Variants in GOLGA7B observed in about 807,000 individuals in gnomAD.
GOLGA7B encodes golgin A7 family member B, also known as golgin subfamily A member 7B.
GOLGA7B carries 17 observed loss-of-function variants against 21.5 expected under a neutral mutation model. That is an observed-to-expected ratio of 0.79 (90% confidence interval 0.54 to 1.19). The LOEUF (loss-of-function observed/expected upper bound fraction) is 1.19, where lower values mean the gene tolerates loss of function less well. Among genes scored for constraint, GOLGA7B ranks in the 50% most tolerant of loss-of-function variants. The pLI is 0.00. For missense variants in GOLGA7B, 169 were observed against 224.4 expected (o/e 0.75, Z 1.58); for synonymous variants, 87 against 84.0 (o/e 1.04, Z -0.19).
chr10:97,866,099 C>A lies in GOLGA7B; in HGVS notation c.*399C>A. 5.2e-6 allele frequency: 1 copy of A among 193,648 alleles called. No individual in the cohort carries two copies. The highest frequency in any genetic ancestry group is 1.1e-5 in the Non-Finnish European group (1 of 95,152). 12.0% of individuals were successfully genotyped at this position (193,648 alleles called of 1,614,324 possible). A position where few individuals can be genotyped will look rare whatever the true frequency, so the allele number is the denominator to read the frequency against. On this transcript the variant is annotated 3_prime_UTR_variant, in exon 5 of 5. Coordinates refer to ENST00000370602, the MANE Select transcript of GOLGA7B (RefSeq NM_001010917.3). ...CTCCCACACTGCATGACCCCTCATC[C>A]CAAACCCATATCCACCAGGACTCTT...
At chr10:97,865,297 TG>T in intron 4 of GOLGA7B, 1 of 410,982 alleles carries the variant, frequency 2.4e-6, no homozygotes, top group Non-Finnish European at 4.3e-6. Context: ...TCCTAAGATA[TG>T]GTCATTAGAC....
intron 4 of GOLGA7B, 138 bp downstream of exon 4, chr10:97,864,407 AG>A (rs1201649306): frequency 1.5e-6 from 1 of 652,462 alleles, no homozygotes; most frequent in East Asian, 2.7e-5. Context: ...AGTGGTCCTC[AG>A]CCCTCCTCCA....
chr10:97,857,446 A>C (rs954184303), intron 1 of GOLGA7B, among the ~76,000 whole-genome samples: 27 of 152,048 alleles, frequency 1.8e-4, no homozygotes, highest in Non-Finnish European at 3.5e-4. Context: ...GGAGAACTAC[A>C]AAACACTGAT....
intron 2 of GOLGA7B, among the ~76,000 whole-genome samples, chr10:97,859,854 G>C (rs921058351): frequency 1.3e-5 from 2 of 152,348 alleles, no homozygotes. Context: ...ATGATATAGA[G>C]AGCTTGTTAA....
rs368201620 is a variant in GOLGA7B, at chr10:97,859,600, C to G, written c.138+17C>G. ...GACAGCCGGGTAAGGATGCCTTTTT[C>G]TGCACTTGGAACCCAGGGCTGTGAT... On this transcript the variant is annotated intron_variant, in intron 2 of 4. Transcript: ENST00000370602. The G allele has an allele frequency of 7.4e-6, 12 of 1,612,972 alleles. No individual in the cohort carries two copies. The highest frequency in any genetic ancestry group is 1.0e-5 in the Non-Finnish European group (12 of 1,179,282).
chr10:97,850,158 C>A lies in GOLGA7B; in HGVS notation c.-146C>A, dbSNP rs888350177. 2.0e-3 allele frequency: 542 copies of A among 269,640 alleles called. No homozygotes were observed. The highest frequency in any genetic ancestry group is 2.7e-3 in the Admixed American group (49 of 18,168). The allele number at this position is 269,640 out of a possible 1,614,324, so 16.7% of individuals were successfully genotyped here. A position where few individuals can be genotyped will look rare whatever the true frequency, so the allele number is the denominator to read the frequency against. On this transcript the variant is annotated 5_prime_UTR_variant, in exon 1 of 5. Transcript: ENST00000370602. ...CGCCCGCCCCCGGCCCACCTGAGCC[C>A]GGGCCCGCGGCGCCCGCATCAGCAC...
In GOLGA7B at chr10:97,870,870, G is replaced by A. The variant is rs1244613972; in HGVS notation, c.*5170G>A. 3 of 152,208 alleles carry A rather than the reference G, an allele frequency of 2.0e-5. No homozygotes were observed. Among genetic ancestry groups the A allele is most frequent in the South Asian group, 2.1e-4 (1 of 4,820 alleles). The allele number at this position is 152,208 out of a possible 1,614,324, so 9.4% of individuals were successfully genotyped here. Reference sequence around the variant, plus strand: ...CACCAGGAGTTCTTAACCTCGACCCGACTGCATTCAGGTGCATATTATGTG... The same window carrying A: ...CACCAGGAGTTCTTAACCTCGACCCAACTGCATTCAGGTGCATATTATGTG... On this transcript the variant is annotated 3_prime_UTR_variant, in exon 5 of 5. Coordinates refer to ENST00000370602, the MANE Select transcript of GOLGA7B (RefSeq NM_001010917.3).
intron 2 of GOLGA7B, among the ~76,000 whole-genome samples, chr10:97,860,559 C>T (rs959340015): frequency 6.6e-6 from 1 of 152,098 alleles, no homozygotes; most frequent in African/African-American, 2.4e-5. Context: ...TGCCATGTTG[C>T]CCAGGCTGGT....
At chr10:97,852,707 G>C (rs966385652) in intron 1 of GOLGA7B, among the ~76,000 whole-genome samples, 1 of 151,912 alleles carries the variant, frequency 6.6e-6, no homozygotes, top group African/African-American at 2.4e-5. Context: ...GGAGAGGAAG[G>C]GGGTGGGGAG....
chr10:97,859,449 TCTCCTCAG>T lies in GOLGA7B; in HGVS notation c.13-8_13-1del. ...ACTCTCAGCACATGCCGCCCGCACGTCTCCTCAGGTCCACAATCTGCAGGAGCTCCGGC... is the reference window on the plus strand; with the variant it reads ...ACTCTCAGCACATGCCGCCCGCACGTGTCCACAATCTGCAGGAGCTCCGGC... On this transcript the variant is annotated splice_acceptor_variant and splice_polypyrimidine_tract_variant and intron_variant, in intron 1 of 4. Coordinates refer to ENST00000370602, the MANE Select transcript of GOLGA7B (RefSeq NM_001010917.3). LOFTEE classifies it high-confidence loss of function. The T allele has an allele frequency of 6.2e-7, 1 of 1,613,832 alleles. No homozygotes were observed. Among genetic ancestry groups the T allele is most frequent in the Non-Finnish European group, 8.5e-7 (1 of 1,179,860 alleles).
rs2050061080 is a variant in GOLGA7B, at chr10:97,869,055, A to T, written c.*3355A>T. 1 of 152,256 alleles carries T rather than the reference A, an allele frequency of 6.6e-6. No individual in the cohort carries two copies. The highest frequency in any genetic ancestry group is 6.5e-5 in the Admixed American group (1 of 15,286). The allele number at this position is 152,256 out of a possible 1,614,324, so 9.4% of individuals were successfully genotyped here. ...CAGATCTTGGCTTTGAATCTAGGCA[A>T]TCTGACTCCAAACTGCAAGGAAGAA... On this transcript the variant is annotated 3_prime_UTR_variant, in exon 5 of 5. Transcript: ENST00000370602.
chr10:97,865,882 C>T lies in GOLGA7B; in HGVS notation c.*182C>T. 2 of 1,020,446 alleles carry T rather than the reference C, an allele frequency of 2.0e-6. No homozygotes were observed. Among genetic ancestry groups the T allele is most frequent in the South Asian group, 1.8e-5 (1 of 54,804 alleles). 63.2% of individuals were successfully genotyped at this position (1,020,446 alleles called of 1,614,324 possible). ...GGGCCATCAACCTATGCCCCCTGTC[C>T]CTCACCCCCGTCTGGATCAGTCCAT... On this transcript the variant is annotated 3_prime_UTR_variant, in exon 5 of 5. Coordinates refer to ENST00000370602, the MANE Select transcript of GOLGA7B (RefSeq NM_001010917.3).
At position 97,870,356 on chromosome 10, in the gene GOLGA7B, A is replaced by G. The variant is rs1328712994; in HGVS notation, c.*4656A>G. 1.3e-5 allele frequency: 2 copies of G among 152,188 alleles called. No individual in the cohort carries two copies. Among genetic ancestry groups the G allele is most frequent in the East Asian group, 3.8e-4 (2 of 5,198 alleles). The allele number at this position is 152,188 out of a possible 1,614,324, so 9.4% of individuals were successfully genotyped here. A position where few individuals can be genotyped will look rare whatever the true frequency, so the allele number is the denominator to read the frequency against. On this transcript the variant is annotated 3_prime_UTR_variant, in exon 5 of 5. Coordinates refer to ENST00000370602, the MANE Select transcript of GOLGA7B (RefSeq NM_001010917.3). ...CAGAAGCAGCCAGACACAAAAATGC[A>G]TATGCACCATGTGATTCCCCTTATA...
chr10:97,855,718 C>T (rs924477582), intron 1 of GOLGA7B, among the ~76,000 whole-genome samples: 4 of 152,186 alleles, frequency 2.6e-5, no homozygotes, highest in Admixed American at 2.6e-4. Context: ...CATTATAAAA[C>T]CTTAACCAGA....
intron 1 of GOLGA7B, among the ~76,000 whole-genome samples, chr10:97,857,044 A>G (rs912709104): frequency 4.0e-5 from 6 of 151,892 alleles, no homozygotes; most frequent in African/African-American, 1.2e-4. Flanking sequence ...TACTTTGTTG[A>G]TTATTTCTTT....
In GOLGA7B at chr10:97,867,613, A is replaced by G. The variant is rs1046276957; in HGVS notation, c.*1913A>G. On this transcript the variant is annotated 3_prime_UTR_variant, in exon 5 of 5. Coordinates refer to ENST00000370602, the MANE Select transcript of GOLGA7B (RefSeq NM_001010917.3). Reference sequence around the variant, plus strand: ...CCACCGCAGCCCCTGGCCACGGCCTATGCCCTCCCTGGGCCCCTGTGGGGC... The same window carrying G: ...CCACCGCAGCCCCTGGCCACGGCCTGTGCCCTCCCTGGGCCCCTGTGGGGC... The G allele has an allele frequency of 6.6e-6, 1 of 152,154 alleles. No individual in the cohort carries two copies. The highest frequency in any genetic ancestry group is 1.5e-5 in the Non-Finnish European group (1 of 68,150). 9.4% of individuals were successfully genotyped at this position (152,154 alleles called of 1,614,324 possible).
At chr10:97,850,364 C>A in intron 1 of GOLGA7B, 49 bp downstream of exon 1, 1 of 1,482,844 alleles carries the variant, frequency 6.7e-7, no homozygotes, top group Non-Finnish European at 9.0e-7. Context: ...GCCGCGGGAC[C>A]AAATGCCCTA....
At position 97,865,552 on chromosome 10, in the gene GOLGA7B, C is replaced by T. The variant is rs1315590638; in HGVS notation, c.394-38C>T. On this transcript the variant is annotated intron_variant, in intron 4 of 4. Transcript: ENST00000370602. ...TGGTTCATGTCCCACCCCTGCTCAG[C>T]AGCTGGGCTCGCAGCTCTCCTTAAC... is the stretch of plus-strand genomic sequence containing the variant. 1.9e-6 allele frequency: 3 copies of T among 1,606,982 alleles called. No homozygotes were observed. In the South Asian group the frequency reaches 3.3e-5, roughly 18 times the overall value.
chr10:97,863,174 G>A (rs557675371), intron 2 of GOLGA7B, among the ~76,000 whole-genome samples: 1 of 152,286 alleles, frequency 6.6e-6, no homozygotes, highest in African/African-American at 2.4e-5. Flanking sequence ...GTGGCAGCTG[G>A]AACCACAGAG....
Sources: gnomAD v4.1 joint callset for allele counts (sites outside exome capture counted in the v4.1 genomes callset) on GRCh38, gnomAD v4.1.1 for gene constraint, MANE v1.5 for transcripts, NCBI Gene and HGNC (gene_info 2026-07-23, HGNC 2026-07-21) for gene names.